PCDH15: variants seen among roughly 807,000 people sequenced by gnomAD.
PCDH15 encodes protocadherin related 15.
Under a neutral mutation model 178.5 loss-of-function variants are expected in PCDH15, and 129 were observed. That is an observed-to-expected ratio of 0.72 (90% CI 0.63 to 0.84). The LOEUF is 0.84. Ranked by LOEUF, PCDH15 falls within the 40% of genes least tolerant of loss-of-function variation. PCDH15 has a pLI of 0.00. For synonymous variants in PCDH15, 800 were observed against 732.0 expected, an observed-to-expected ratio of 1.09 and a Z score of -1.50; for missense variants, 2,230 against 2,099.9, an observed-to-expected ratio of 1.06 and a Z score of -1.21.
At chr10:55,321,466 C>A (rs1345712850), upstream of PCDH15, among the ~76,000 whole-genome samples, 2 of 152,100 alleles carry the variant, frequency 1.3e-5, no homozygotes, top group African/African-American at 2.4e-5. Context: ...CCCAACCTCA[C>A]TAGAGAGGCC....
rs35951831 is a variant in PCDH15 at position 54,503,225 on chromosome 10, A to ATGTGTGTGTG, written c.157+24577_157+24586dup. 7.2e-4 allele frequency among the ~76,000 whole-genome samples: 60 copies of ATGTGTGTGTG among 83,774 alleles called. No homozygotes were observed. The East Asian group carries it at 0.028, about 39-fold the overall frequency. 55.0% of individuals were successfully genotyped at this position (83,774 alleles called of 152,430 possible). ...AATCCCAGGCCAAATATACATATAT[A>ATGTGTGTGTG]TGTGTGTGTGTGTGTGTGTGTGTGT... On this transcript the variant is annotated intron_variant, in intron 3 of 37. Coordinates refer to ENST00000644397, the MANE Select transcript of PCDH15 (RefSeq NM_001384140.1).
intron 1 of PCDH15, among the ~76,000 whole-genome samples, chr10:55,181,114 TA>T (rs1839636530): frequency 1.3e-5 from 2 of 151,698 alleles, no homozygotes; most frequent in Admixed American, 1.3e-4. Context: ...GTGAAGAGAA[TA>T]GAAGTCTGAG....
intron 2 of PCDH15, among the ~76,000 whole-genome samples, chr10:55,109,903 A>G (rs1165427134): frequency 1.3e-5 from 2 of 151,896 alleles, no homozygotes; most frequent in African/African-American, 4.8e-5. Context: ...ATTTCCCCAA[A>G]ATCAAATAAG....
intron 3 of PCDH15, among the ~76,000 whole-genome samples, chr10:54,433,027 C>A (rs1957133484): frequency 6.6e-6 from 1 of 152,050 alleles, no homozygotes. Context: ...GAGATATCAT[C>A]TTACACCAGT....
At chr10:54,245,943 A>T (rs1018687796) in intron 8 of PCDH15, among the ~76,000 whole-genome samples, 1 of 151,986 alleles carries the variant, frequency 6.6e-6, no homozygotes, top group Non-Finnish European at 1.5e-5. Context: ...ATACCTTCAT[A>T]AATCAATAGT....
At chr10:54,770,650 G>T (rs1168876987) in intron 1 of PCDH15, among the ~76,000 whole-genome samples, 1 of 151,790 alleles carries the variant, frequency 6.6e-6, no homozygotes, top group African/African-American at 2.4e-5. Context: ...ACAAAGTCTT[G>T]GTACTTCTGT....
chr10:54,596,633 C>G (rs557739638), intron 2 of PCDH15, among the ~76,000 whole-genome samples: 35 of 152,036 alleles, frequency 2.3e-4, no homozygotes, highest in African/African-American at 8.0e-4. Flanking sequence ...ACTAATTTTC[C>G]CAATTAAAAG....
At chr10:55,025,535 C>T (rs1293572368) in intron 2 of PCDH15, among the ~76,000 whole-genome samples, 1 of 152,138 alleles carries the variant, frequency 6.6e-6, no homozygotes, top group South Asian at 2.1e-4. Flanking sequence ...TAGTCAGTTA[C>T]TTTTAGAACT....
intron 25 of PCDH15, among the ~76,000 whole-genome samples, chr10:53,927,159 T>TGC (rs1181486995): frequency 1.3e-5 from 2 of 151,768 alleles, no homozygotes; most frequent in African/African-American, 4.8e-5. Flanking sequence ...AGTGTGTGTG[T>TGC]GTGTGTGTGT....
chr10:54,849,522 C>T (rs958846427), intron 3 of PCDH15, among the ~76,000 whole-genome samples: 1 of 152,128 alleles, frequency 6.6e-6, no homozygotes, highest in Admixed American at 6.5e-5. Flanking sequence ...TCACTCGGCT[C>T]GACTACTTTC....
intron 15 of PCDH15, among the ~76,000 whole-genome samples, chr10:54,115,043 G>A (rs745596775): frequency 3.4e-4 from 52 of 152,268 alleles, no homozygotes; most frequent in Middle Eastern, 3.4e-3. Flanking sequence ...CGGTGGGCTG[G>A]AGCAGTCCAG....
intron 2 of PCDH15, among the ~76,000 whole-genome samples, chr10:55,161,013 G>A (rs750982171): frequency 7.9e-5 from 12 of 151,944 alleles, no homozygotes; most frequent in Non-Finnish European, 1.5e-4. Context: ...ATATTATTAC[G>A]TGCAGTAGAC....
intron 2 of PCDH15, among the ~76,000 whole-genome samples, chr10:55,609,011 TATATAC>T (rs1345765428): frequency 2.4e-4 from 35 of 143,266 alleles, no homozygotes; most frequent in African/African-American, 7.9e-4. Context: ...ATGTTATATA[TATATAC>T]ACACACACAC....
chr10:53,990,527 CTA>C (rs368096118), intron 21 of PCDH15, among the ~76,000 whole-genome samples: 1 of 84,882 alleles, frequency 1.2e-5, no homozygotes, highest in Admixed American at 1.2e-4. Context: ...TATATATGTT[CTA>C]TATATGTTTT....
chr10:54,336,520 CAT>C (rs981747232), intron 6 of PCDH15, among the ~76,000 whole-genome samples: 5 of 152,172 alleles, frequency 3.3e-5, no homozygotes, highest in Non-Finnish European at 7.3e-5. Context: ...GGAGTGAAGA[CAT>C]AGCTCAGGCT....
chr10:55,039,794 T>C (rs1006727572), intron 2 of PCDH15, among the ~76,000 whole-genome samples: 5 of 152,156 alleles, frequency 3.3e-5, no homozygotes, highest in Admixed American at 6.5e-5. Flanking sequence ...CGTTTATAAA[T>C]GATTTAGTAA....
chr10:54,850,374 T>G (rs968005713), intron 3 of PCDH15, among the ~76,000 whole-genome samples: 1 of 152,132 alleles, frequency 6.6e-6, no homozygotes, highest in Non-Finnish European at 1.5e-5. Flanking sequence ...TGTGAGATTT[T>G]GGTGTACCCA....
intron 1 of PCDH15, among the ~76,000 whole-genome samples, chr10:54,764,855 A>T (rs1252451143): frequency 6.6e-6 from 1 of 152,190 alleles, no homozygotes; most frequent in East Asian, 1.9e-4. Flanking sequence ...TGTTGCCCTC[A>T]AAGAGCCTGG....
intron 1 of PCDH15, among the ~76,000 whole-genome samples, chr10:54,795,999 C>T (rs1213445978): frequency 6.6e-6 from 1 of 151,686 alleles, no homozygotes; most frequent in Admixed American, 6.6e-5. Context: ...AGAGAGAAAC[C>T]AAGGCTCAGA....
Sources: gnomAD v4.1 joint callset for allele counts (sites outside exome capture counted in the v4.1 genomes callset) on GRCh38, gnomAD v4.1.1 for gene constraint, MANE v1.5 for transcripts, NCBI Gene and HGNC (gene_info 2026-07-23, HGNC 2026-07-21) for gene names.